The following COL26A1 variants were observed in gnomAD, a reference collection of about 807,000 sequenced individuals.
COL26A1 encodes collagen alpha-1(XXVI) chain.
In COL26A1, 41 loss-of-function variants were observed where a neutral mutation model predicts 59.3. The observed-to-expected ratio is 0.69, with a 90% confidence interval of 0.54 to 0.90. COL26A1 has a LOEUF of 0.90. COL26A1 is among the 40% of genes least tolerant of loss of function. The pLI is 0.00. For missense variants in COL26A1, 612 were observed against 602.3 expected, an observed-to-expected ratio of 1.02 and a Z score of -0.17; for synonymous variants, 266 against 256.0, an observed-to-expected ratio of 1.04 and a Z score of -0.37.
chr7:101,457,843 T>TA (rs1166140102), intron 3 of COL26A1, among the ~76,000 whole-genome samples: 6 of 152,256 alleles, frequency 3.9e-5, no homozygotes, highest in Admixed American at 1.3e-4. Context: ...TGCTGGATAT[T>TA]ATTCCATTGC....
At chr7:101,401,372 C>A (rs142904040) in intron 1 of COL26A1, among the ~76,000 whole-genome samples, 294 of 152,110 alleles carry the variant, frequency 1.9e-3, no homozygotes, top group African/African-American at 6.8e-3. Flanking sequence ...AAAGCCTCTC[C>A]CAGCTCTAAT....
At chr7:101,416,255 G>T (rs1792368303) in intron 1 of COL26A1, among the ~76,000 whole-genome samples, 1 of 142,394 alleles carries the variant, frequency 7.0e-6, no homozygotes, top group South Asian at 2.4e-4. Context: ...TAGCCAGCAT[G>T]TTGGCGCACA....
intron 3 of COL26A1, among the ~76,000 whole-genome samples, chr7:101,518,168 A>G (rs140381816): frequency 6.6e-6 from 1 of 152,276 alleles, no homozygotes; most frequent in African/African-American, 2.4e-5. Context: ...CCCAATGGCC[A>G]GAGAACCTTG....
rs538622832 is a variant in COL26A1 at position 101,526,610 on chromosome 7, G to C, written c.386-6472G>C. 3.9e-5 allele frequency among the ~76,000 whole-genome samples: 6 copies of C among 152,358 alleles called. No homozygotes were observed. In the East Asian group the frequency reaches 9.6e-4, roughly 24 times the overall value. On this transcript the variant is annotated intron_variant, in intron 3 of 12. Coordinates refer to ENST00000313669, the MANE Select transcript of COL26A1 (RefSeq NM_001278563.3). ...TCTGCAAATCCCCTCTCAGGGCCCA[G>C]GCCTTGGGAATCCAGCCTCATTTGG... is the stretch of plus-strand genomic sequence containing the variant.
intron 3 of COL26A1, among the ~76,000 whole-genome samples, chr7:101,464,244 G>A (rs955339395): frequency 1.3e-5 from 2 of 151,910 alleles, no homozygotes; most frequent in African/African-American, 4.8e-5. Flanking sequence ...GGGATTACAG[G>A]CTCATGCCAC....
chr7:101,469,495 C>CTTTTTT (rs36116265), intron 3 of COL26A1, among the ~76,000 whole-genome samples: 2 of 145,148 alleles, frequency 1.4e-5, no homozygotes, highest in African/African-American at 5.1e-5. Flanking sequence ...CGATTTCTCT[C>CTTTTTT]TTTTTTTTTT....
intron 5 of COL26A1, 117 bp downstream of exon 5, chr7:101,540,166 T>A (rs1795582924): frequency 4.5e-6 from 5 of 1,100,602 alleles, no homozygotes; most frequent in Non-Finnish European, 6.2e-6. Context: ...ACATGCCATG[T>A]GGCATTTTGA....
At chr7:101,405,228 TAAAA>T (rs972796161) in intron 1 of COL26A1, among the ~76,000 whole-genome samples, 1 of 144,224 alleles carries the variant, frequency 6.9e-6, no homozygotes, top group African/African-American at 2.5e-5. Context: ...ACTCCGTCTC[TAAAA>T]AAAAAAAAAT....
intron 7 of COL26A1, among the ~76,000 whole-genome samples, chr7:101,545,830 A>G (rs1222542713): frequency 1.3e-5 from 2 of 152,114 alleles, no homozygotes; most frequent in East Asian, 1.9e-4. Flanking sequence ...GTGAGCCCCA[A>G]AGTTCACTCT....
intron 2 of COL26A1, among the ~76,000 whole-genome samples, chr7:101,425,826 ATTTTTT>A (rs531266478): frequency 1.5e-5 from 2 of 131,444 alleles, no homozygotes; most frequent in African/African-American, 2.9e-5. Context: ...TCTTAGCATA[ATTTTTT>A]TTTTTTTTTT....
chr7:101,543,942 C>A (rs2130662980), intron 5 of COL26A1, 56 bp from the exon 6 acceptor site: 2 of 1,310,726 alleles, frequency 1.5e-6, no homozygotes, highest in Non-Finnish European at 2.1e-6. Flanking sequence ...AGGCCTGGAG[C>A]CACTGGAGGC....
At chr7:101,382,541 ACC>A (rs1791472959) in intron 1 of COL26A1, among the ~76,000 whole-genome samples, 1 of 152,144 alleles carries the variant, frequency 6.6e-6, no homozygotes, top group African/African-American at 2.4e-5. Context: ...TGGTGCCAAA[ACC>A]ACAGTTCTGT....
At chr7:101,525,333 C>T (rs563664842) in intron 3 of COL26A1, among the ~76,000 whole-genome samples, 5 of 151,192 alleles carry the variant, frequency 3.3e-5, no homozygotes, top group Admixed American at 6.6e-5. Flanking sequence ...AGGCGTGTGC[C>T]GCCATGCCCA....
At chr7:101,475,644 G>C (rs1336764274) in intron 3 of COL26A1, among the ~76,000 whole-genome samples, 1 of 151,862 alleles carries the variant, frequency 6.6e-6, no homozygotes, top group African/African-American at 2.4e-5. Context: ...TTGTGGGCCT[G>C]GTGTGTTTCC....
chr7:101,501,728 C>G (rs752487368), intron 3 of COL26A1, among the ~76,000 whole-genome samples: 30 of 152,202 alleles, frequency 2.0e-4, no homozygotes, highest in Non-Finnish European at 3.7e-4. Context: ...TGCTCAGACT[C>G]TTGGAGGTGC....
intron 2 of COL26A1, among the ~76,000 whole-genome samples, chr7:101,428,390 T>C (rs1468478283): frequency 6.6e-6 from 1 of 151,650 alleles, no homozygotes; most frequent in East Asian, 1.9e-4. Context: ...GAGAATGATA[T>C]TTATTTGAGA....
intron 1 of COL26A1, among the ~76,000 whole-genome samples, chr7:101,374,089 A>G (rs2898575): frequency 0.58 from 88,180 of 152,030 alleles, 27,159 homozygotes; most frequent in African/African-American, 0.8. Flanking sequence ...TTCTGCAGAC[A>G]ATCCTACGGA....
At chr7:101,411,200 G>A (rs1792233663) in intron 1 of COL26A1, among the ~76,000 whole-genome samples, 1 of 152,158 alleles carries the variant, frequency 6.6e-6, no homozygotes, top group Admixed American at 6.5e-5. Flanking sequence ...TGCAGGGGTT[G>A]GGGTCGGAGC....
At chr7:101,392,800 A>C (rs1791764261) in intron 1 of COL26A1, among the ~76,000 whole-genome samples, 1 of 151,978 alleles carries the variant, frequency 6.6e-6, no homozygotes, top group African/African-American at 2.4e-5. Flanking sequence ...CCTCCACCGC[A>C]TGGCCTCACC....
Sources: allele counts gnomAD v4.1 joint callset (sites outside exome capture counted in the v4.1 genomes callset), GRCh38; gene constraint gnomAD v4.1.1; transcripts MANE v1.5; gene names NCBI Gene and HGNC (gene_info 2026-07-23, HGNC 2026-07-21).